ELP4: variants seen among roughly 807,000 people sequenced by gnomAD.
ELP4 encodes elongator acetyltransferase complex subunit 4.
ELP4 carries 51 observed loss-of-function variants against 48.9 expected under a neutral mutation model. The ratio of observed to expected loss-of-function variants is 1.04; its 90% CI spans 0.83 to 1.32. The LOEUF is 1.32. Ranked by LOEUF, ELP4 falls within the 40% of genes most tolerant of loss-of-function variation. The pLI is 0.00. For synonymous variants in ELP4, 210 were observed against 189.2 expected, an observed-to-expected ratio of 1.11 and a Z score of -0.90; for missense variants, 519 against 514.6, an observed-to-expected ratio of 1.01 and a Z score of -0.08.
chr11:31,671,661 A>T (rs555109128), intron 9 of ELP4, among the ~76,000 whole-genome samples: 9 of 152,282 alleles, frequency 5.9e-5, no homozygotes, highest in African/African-American at 2.2e-4. Flanking sequence ...GCCCTCACAG[A>T]TACATATGAG....
chr11:31,710,313 A>G (rs535498500), intron 9 of ELP4, among the ~76,000 whole-genome samples: 1 of 152,328 alleles, frequency 6.6e-6, no homozygotes, highest in East Asian at 1.9e-4. Flanking sequence ...GATTGAAGGA[A>G]GAATGATGTG....
chr11:31,598,706 T>C (rs961767645), intron 4 of ELP4, among the ~76,000 whole-genome samples: 1 of 151,766 alleles, frequency 6.6e-6, no homozygotes, highest in Non-Finnish European at 1.5e-5. Flanking sequence ...AGGGTCTCAC[T>C]ATGTTGCCCA....
intron 9 of ELP4, among the ~76,000 whole-genome samples, chr11:31,735,237 G>C (rs969075972): frequency 3.3e-5 from 5 of 151,052 alleles, no homozygotes; most frequent in South Asian, 4.2e-4. Flanking sequence ...ACTCAAAATG[G>C]ATTAAAGACT....
At chr11:31,724,635 T>C (rs760673981) in intron 9 of ELP4, among the ~76,000 whole-genome samples, 6 of 152,238 alleles carry the variant, frequency 3.9e-5, no homozygotes, top group Admixed American at 6.5e-5. Context: ...ACAGTCTTTC[T>C]TTCACTCCAG....
At chr11:31,729,788 A>T (rs914042187) in intron 9 of ELP4, among the ~76,000 whole-genome samples, 2 of 152,196 alleles carry the variant, frequency 1.3e-5, no homozygotes, top group African/African-American at 4.8e-5. Context: ...AGCTTTTTCC[A>T]AAAATGCTTG....
At chr11:31,681,652 A>T (rs1352180110) in intron 9 of ELP4, 1 of 152,914 alleles carries the variant, frequency 6.5e-6, no homozygotes, top group African/African-American at 2.4e-5. Context: ...AAGAAGATGG[A>T]CAGAAGATAC....
chr11:31,677,151 A>G (rs1945942492), intron 9 of ELP4, among the ~76,000 whole-genome samples: 1 of 152,224 alleles, frequency 6.6e-6, no homozygotes, highest in South Asian at 2.1e-4. Context: ...TCATTTTTAA[A>G]TTCTAATTAA....
intron 4 of ELP4, chr11:31,599,022 T>C (rs1383081264): frequency 1.3e-5 from 2 of 152,212 alleles, no homozygotes; most frequent in East Asian, 3.8e-4. Flanking sequence ...AAGGCACTTA[T>C]CATTAAATGA....
intron 9 of ELP4, among the ~76,000 whole-genome samples, chr11:31,676,988 G>C (rs1414464657): frequency 6.6e-6 from 1 of 152,120 alleles, no homozygotes; most frequent in Non-Finnish European, 1.5e-5. Context: ...TGTTCAAATA[G>C]TGACAAAGGG....
At chr11:31,721,530 T>C (rs1022285125) in intron 9 of ELP4, among the ~76,000 whole-genome samples, 1 of 152,178 alleles carries the variant, frequency 6.6e-6, no homozygotes, top group Non-Finnish European at 1.5e-5. Flanking sequence ...ATTCAACTCC[T>C]GATTTTTCAT....
intron 3 of ELP4, among the ~76,000 whole-genome samples, chr11:31,566,701 T>C (rs1957117426): frequency 6.6e-6 from 1 of 152,178 alleles, no homozygotes; most frequent in Non-Finnish European, 1.5e-5. Flanking sequence ...TGAGAGGCCA[T>C]TGATTGTAAG....
intron 9 of ELP4, among the ~76,000 whole-genome samples, chr11:31,746,828 C>T (rs973705712): frequency 7.2e-5 from 11 of 151,738 alleles, no homozygotes; most frequent in South Asian, 6.3e-4. Context: ...ACATGGCACA[C>T]GTATACATAT....
chr11:31,555,799 A>G (rs1248689935), intron 3 of ELP4, among the ~76,000 whole-genome samples: 1 of 151,968 alleles, frequency 6.6e-6, no homozygotes, highest in Admixed American at 6.6e-5. Flanking sequence ...TAATATTCAC[A>G]TAGGATTTCA....
chr11:31,546,949 C>T (rs1349797121), intron 3 of ELP4, among the ~76,000 whole-genome samples: 1 of 152,034 alleles, frequency 6.6e-6, no homozygotes, highest in Admixed American at 6.5e-5. Flanking sequence ...AGAACAAAGA[C>T]ACAACGTACC....
At chr11:31,675,456 G>A (rs1401965664) in intron 9 of ELP4, among the ~76,000 whole-genome samples, 1 of 151,970 alleles carries the variant, frequency 6.6e-6, no homozygotes, top group African/African-American at 2.4e-5. Context: ...TAGAGACAGG[G>A]TTTCTCCATG....
chr11:31,516,045 G>A (rs1339628635), intron 1 of ELP4, among the ~76,000 whole-genome samples: 1 of 151,414 alleles, frequency 6.6e-6, no homozygotes, highest in Admixed American at 6.6e-5. Flanking sequence ...ACCAGGAGGC[G>A]GAGCTTGCAG....
chr11:31,737,809 G>A (rs1347198020), intron 9 of ELP4, among the ~76,000 whole-genome samples: 1 of 152,144 alleles, frequency 6.6e-6, no homozygotes, highest in Non-Finnish European at 1.5e-5. Flanking sequence ...AATAAGTGTT[G>A]ACAAGGATGG....
At chr11:31,699,712 G>T (rs1256643261) in intron 9 of ELP4, among the ~76,000 whole-genome samples, 1 of 152,098 alleles carries the variant, frequency 6.6e-6, no homozygotes, top group African/African-American at 2.4e-5. Context: ...TGACAGTGGA[G>T]AAATTTTCTG....
rs566342478 is a variant in ELP4, at chr11:31,595,099, T to C, written c.513+198T>C. The stretch of plus-strand genomic sequence containing the variant: ...TTGTTTTTTACCAAAATAGGTTGTT[T>C]CATTTCTTCCATAATGCCCATATAG... On this transcript the variant is annotated intron_variant, in intron 4 of 9. Coordinates refer to ENST00000640961, the MANE Select transcript of ELP4 (RefSeq NM_019040.5). Among the ~76,000 whole-genome samples the C allele has an allele frequency of 8.5e-5, 13 of 152,306 alleles. 1 individual carries two copies. In the South Asian group the frequency reaches 2.7e-3, roughly 32 times the overall value.
Sources: gnomAD v4.1 joint callset for allele counts (sites outside exome capture counted in the v4.1 genomes callset) on GRCh38, gnomAD v4.1.1 for gene constraint, MANE v1.5 for transcripts, NCBI Gene and HGNC (gene_info 2026-07-23, HGNC 2026-07-21) for gene names.